Variants in NRG1 observed in about 807,000 individuals in gnomAD.
The protein encoded by NRG1 is neuregulin 1.
A neutral mutation model predicts 63.8 loss-of-function variants in NRG1; 18 were observed. That is an observed-to-expected ratio of 0.28 (90% CI 0.19 to 0.42). The LOEUF is 0.42. NRG1 is among the 10% of genes least tolerant of loss of function. NRG1 has a pLI of 1.00. For missense variants in NRG1, 762 were observed against 814.7 expected, an observed-to-expected ratio of 0.94 and a Z score of 0.79; for synonymous variants, 302 against 301.3, an observed-to-expected ratio of 1.00 and a Z score of -0.02.
At chr8:31,657,351 C>A (rs531799718) in intron 1 of NRG1, among the ~76,000 whole-genome samples, 1 of 152,234 alleles carries the variant, frequency 6.6e-6, no homozygotes, top group African/African-American at 2.4e-5. Context: ...AGTTCTGAAA[C>A]CTCTGACCTT....
At chr8:32,148,844 A>G (rs369946640) in intron 1 of NRG1, among the ~76,000 whole-genome samples, 134 of 152,316 alleles carry the variant, frequency 8.8e-4, no homozygotes, top group African/African-American at 3.1e-3. Context: ...AAACTCAGAT[A>G]TGTATTAAGT....
At chr8:32,715,725 G>A (rs376693023) in intron 5 of NRG1, among the ~76,000 whole-genome samples, 2 of 149,830 alleles carry the variant, frequency 1.3e-5, no homozygotes, top group East Asian at 2.0e-4. Context: ...TACAGCCTCC[G>A]CCTCCCTGGT....
At chr8:32,310,548 G>T (rs930130780) in intron 1 of NRG1, among the ~76,000 whole-genome samples, 1 of 152,170 alleles carries the variant, frequency 6.6e-6, no homozygotes, top group Admixed American at 6.5e-5. Flanking sequence ...ATAGATGCCA[G>T]GCAACTTACC....
At chr8:32,233,592 G>T (rs76734576) in intron 1 of NRG1, among the ~76,000 whole-genome samples, 3 of 124,290 alleles carry the variant, frequency 2.4e-5, no homozygotes, top group Admixed American at 9.4e-5. Context: ...TTGAAACGGT[G>T]TCTCACTCTG....
chr8:32,458,815 T>C (rs144103143), intron 1 of NRG1, among the ~76,000 whole-genome samples: 1 of 152,318 alleles, frequency 6.6e-6, no homozygotes, highest in Non-Finnish European at 1.5e-5. Flanking sequence ...TTTCCCCAAA[T>C]ACAGCTAAAG....
chr8:31,966,238 T>C (rs1322293420), intron 1 of NRG1, among the ~76,000 whole-genome samples: 1 of 40,388 alleles, frequency 2.5e-5, no homozygotes, highest in African/African-American at 3.3e-4. Flanking sequence ...ATCTTGTGTT[T>C]CTGCAACACC....
At chr8:32,647,185 C>A (rs563106422) in intron 5 of NRG1, 5 of 985,266 alleles carry the variant, frequency 5.1e-6, no homozygotes, top group Non-Finnish European at 6.0e-6. Context: ...CAGCCGTCGT[C>A]GCGTTAACAC....
chr8:32,503,902 G>A (rs997674657), intron 1 of NRG1, among the ~76,000 whole-genome samples: 8 of 152,160 alleles, frequency 5.3e-5, no homozygotes, highest in African/African-American at 1.9e-4. Context: ...CATGCTTCTG[G>A]GGTCTTGCAT....
intron 1 of NRG1, among the ~76,000 whole-genome samples, chr8:32,075,324 C>T (rs1308967484): frequency 6.6e-6 from 1 of 152,092 alleles, no homozygotes; most frequent in Non-Finnish European, 1.5e-5. Context: ...TAAATCATGC[C>T]AGTCAGGAAA....
At chr8:32,008,636 A>G (rs1395382015) in intron 1 of NRG1, among the ~76,000 whole-genome samples, 4 of 152,062 alleles carry the variant, frequency 2.6e-5, no homozygotes, top group Admixed American at 6.6e-5. Flanking sequence ...GACTCGTAAT[A>G]CAGAAGTGAC....
chr8:32,463,911 T>G (rs1587800276), intron 1 of NRG1, among the ~76,000 whole-genome samples: 1 of 72,474 alleles, frequency 1.4e-5, no homozygotes, highest in African/African-American at 5.1e-5. Context: ...TTTTTTTTTT[T>G]TTGGGGGAGG....
At chr8:32,234,958 GAATT>G (rs1169081803) in intron 1 of NRG1, among the ~76,000 whole-genome samples, 1 of 151,980 alleles carries the variant, frequency 6.6e-6, no homozygotes, top group Non-Finnish European at 1.5e-5. Flanking sequence ...TATGTTGTAA[GAATT>G]AATTAATAGT....
At chr8:31,953,261 G>A (rs540580723) in intron 1 of NRG1, among the ~76,000 whole-genome samples, 105 of 152,326 alleles carry the variant, frequency 6.9e-4, no homozygotes, top group Middle Eastern at 3.4e-3. Flanking sequence ...AAATATGACG[G>A]ATGGATAGAG....
Position 32,244,413 on chromosome 8 carries a change from A to C in NRG1, c.38-351415A>C, listed in dbSNP as rs566252265. 5.9e-5 allele frequency among the ~76,000 whole-genome samples: 9 copies of C among 152,312 alleles called. No homozygotes were observed. The East Asian group carries it at 1.7e-3, about 29-fold the overall frequency. On this transcript the variant is annotated intron_variant, in intron 1 of 10. Transcript: ENST00000519301. ...ATAGTTGTTCCTAGGTAATGAACCA[A>C]AGCAGGGACTATATTTGAGAAGTAG...
At chr8:31,902,798 T>C (rs975848965) in intron 1 of NRG1, among the ~76,000 whole-genome samples, 1 of 152,168 alleles carries the variant, frequency 6.6e-6, no homozygotes, top group South Asian at 2.1e-4. Flanking sequence ...CAAAGACAGT[T>C]ACACTGATAA....
intron 1 of NRG1, among the ~76,000 whole-genome samples, chr8:31,958,953 T>C (rs890344697): frequency 6.6e-6 from 1 of 152,136 alleles, no homozygotes; most frequent in Non-Finnish European, 1.5e-5. Flanking sequence ...AGTCAGGAGA[T>C]TGTTGGGTCC....
At chr8:32,767,380 A>T (rs57812856) in exon 12 of NRG1, 7,288 of 152,246 alleles carry the variant, frequency 0.048, 614 homozygotes, top group African/African-American at 0.17. Context: ...GCCTGGTCTT[A>T]TCTTGTATTA....
chr8:32,122,964 C>T (rs1292880884), intron 1 of NRG1, among the ~76,000 whole-genome samples: 4 of 151,828 alleles, frequency 2.6e-5, no homozygotes, highest in African/African-American at 7.3e-5. Flanking sequence ...AAATGTGGCA[C>T]ATATACACCA....
intron 5 of NRG1, among the ~76,000 whole-genome samples, chr8:32,676,436 G>A (rs539068697): frequency 1.7e-4 from 26 of 152,240 alleles, no homozygotes; most frequent in Non-Finnish European, 7.4e-5. Flanking sequence ...ATTATGTTCC[G>A]TATTTCTCAA....
Sources: gnomAD v4.1 joint callset for allele counts (sites outside exome capture counted in the v4.1 genomes callset) on GRCh38, gnomAD v4.1.1 for gene constraint, MANE v1.5 for transcripts, NCBI Gene and HGNC (gene_info 2026-07-23, HGNC 2026-07-21) for gene names.